Variants in JAK2 observed in about 807,000 individuals in gnomAD.
The protein encoded by JAK2 is Janus kinase 2.
In JAK2, 86 loss-of-function variants were observed where a neutral mutation model predicts 139.3. The observed-to-expected ratio is 0.62, with a 90% CI of 0.52 to 0.74. The LOEUF (loss-of-function observed/expected upper bound fraction) is 0.74, where lower values mean the gene tolerates loss of function less well. Among genes scored for constraint, JAK2 ranks in the 30% least tolerant of loss-of-function variants. The pLI, the probability that JAK2 is intolerant of heterozygous loss-of-function variation, is 0.00. For synonymous variants in JAK2, 490 were observed against 437.7 expected (o/e 1.12, Z -1.49); for missense variants, 1,421 against 1,360.3 (o/e 1.04, Z -0.70).
In JAK2 at chr9:5,044,608, T is replaced by C. The variant is rs186309725; in HGVS notation, c.468+88T>C. The C allele has an allele frequency of 4.2e-4, 336 of 791,902 alleles. 1 individual carries two copies. In the African/African-American group the frequency reaches 4.8e-3, roughly 11 times the overall value. 49.1% of individuals were successfully genotyped at this position (791,902 alleles called of 1,614,324 possible). A position where few individuals can be genotyped will look rare whatever the true frequency, so the allele number is the denominator to read the frequency against. ...TCACTTAATCAGGAAAAACTTTACA[T>C]ATGGGAAAATTGCAGTTCTGTCTTG... On this transcript the variant is annotated intron_variant, in intron 5 of 24. Coordinates refer to ENST00000381652, the MANE Select transcript of JAK2 (RefSeq NM_004972.4).
At chr9:5,111,451 A>G in intron 22 of JAK2, 3 of 392,006 alleles carry the variant, frequency 7.7e-6, no homozygotes, top group African/African-American at 2.1e-5. Flanking sequence ...CTGGTCTTCC[A>G]TCCTCGGCGT....
chr9:5,090,715 G>T, intron 21 of JAK2, 24 bp from the exon 22 acceptor site: 1 of 1,567,504 alleles, frequency 6.4e-7, no homozygotes, highest in South Asian at 1.2e-5. Flanking sequence ...AAAACTAGCT[G>T]AAAGAAAAAT....
At chr9:5,089,625 T>G (rs1820415707) in intron 19 of JAK2, 49 bp from the exon 20 acceptor site, 1 of 896,390 alleles carries the variant, frequency 1.1e-6, no homozygotes, top group Non-Finnish European at 1.6e-6. Flanking sequence ...TTATTTGTAA[T>G]TTGCCTTGAA....
rs569721581 is a variant in JAK2, at chr9:5,086,232, G to C, written c.2572-3442G>C. 2.7e-5 allele frequency: 16 copies of C among 603,118 alleles called. No individual in the cohort carries two copies. The South Asian group carries it at 6.8e-4, about 26-fold the overall frequency. The allele number at this position is 603,118 out of a possible 1,614,324, so 37.4% of individuals were successfully genotyped here. A position where few individuals can be genotyped will look rare whatever the true frequency, so the allele number is the denominator to read the frequency against. On this transcript the variant is annotated intron_variant, in intron 19 of 24. Transcript: ENST00000381652. Reference sequence around the variant, plus strand: ...CAGCGCGAGGCCACGGTCGGAGTCTGAAAGTCGCGGTAGGATGGTGGCTCC... The same window carrying C: ...CAGCGCGAGGCCACGGTCGGAGTCTCAAAGTCGCGGTAGGATGGTGGCTCC...
At position 5,081,695 on chromosome 9, in the gene JAK2, T is replaced by C. The variant is rs375781816; in HGVS notation, c.2435-30T>C. 20 of 1,510,022 alleles carry C rather than the reference T, an allele frequency of 1.3e-5. No homozygotes were observed. In the Admixed American group the frequency reaches 1.5e-4, roughly 11 times the overall value. The allele number at this position is 1,510,022 out of a possible 1,614,324, so 93.5% of individuals were successfully genotyped here. A position where few individuals can be genotyped will look rare whatever the true frequency, so the allele number is the denominator to read the frequency against. ...AGTCCAGAGAATGTTATTTGCTAAT[T>C]TAAGGTGATAATATTCTTTATTTCT... On this transcript the variant is annotated intron_variant, in intron 18 of 24. Coordinates refer to ENST00000381652, the MANE Select transcript of JAK2 (RefSeq NM_004972.4).
chr9:5,030,104 C>G (rs1013063937), intron 4 of JAK2, among the ~76,000 whole-genome samples, 198 bp downstream of exon 4: 4 of 152,114 alleles, frequency 2.6e-5, no homozygotes, highest in African/African-American at 9.7e-5. Context: ...GTAGAATACT[C>G]TGAGAATAAA....
chr9:5,120,937 G>A (rs1013860612), intron 22 of JAK2, among the ~76,000 whole-genome samples: 1 of 152,210 alleles, frequency 6.6e-6, no homozygotes, highest in Admixed American at 6.5e-5. Context: ...TCTTTAATGT[G>A]GAAATGTTCT....
chr9:5,104,483 A>G (rs1292742162), intron 22 of JAK2, among the ~76,000 whole-genome samples: 1 of 152,220 alleles, frequency 6.6e-6, no homozygotes, highest in African/African-American at 2.4e-5. Flanking sequence ...CTAGAGGTAC[A>G]AAGAGGAGCT....
chr9:5,016,016 T>C (rs1194260400), intron 2 of JAK2, among the ~76,000 whole-genome samples: 1 of 152,216 alleles, frequency 6.6e-6, no homozygotes, highest in Non-Finnish European at 1.5e-5. Flanking sequence ...TGTACAGAAG[T>C]AGGCATTGGA....
At chr9:5,097,902 C>G (rs1046065009) in intron 22 of JAK2, 1 of 152,162 alleles carries the variant, frequency 6.6e-6, no homozygotes. Flanking sequence ...ATTCACTTCA[C>G]CATTATATTC....
At position 5,091,751 on chromosome 9, in the gene JAK2, T is replaced by C. The variant is rs571800283; in HGVS notation, c.3059+840T>C. ...GTGAAGCTAGATTTTGGCTTATGAA[T>C]AGGCTTAAGTCGGGGGGCTGAATGG... On this transcript the variant is annotated intron_variant, in intron 22 of 24. Coordinates refer to ENST00000381652, the MANE Select transcript of JAK2 (RefSeq NM_004972.4). 1.2e-4 allele frequency: 18 copies of C among 152,286 alleles called. 1 individual carries two copies. Among genetic ancestry groups the C allele is most frequent in the African/African-American group, 4.1e-4 (17 of 41,554 alleles). The allele number at this position is 152,286 out of a possible 1,614,324, so 9.4% of individuals were successfully genotyped here. A position where few individuals can be genotyped will look rare whatever the true frequency, so the allele number is the denominator to read the frequency against.
rs1439586775 is a variant in JAK2 at position 5,041,255 on chromosome 9, A to G, written c.351-3148A>G. On this transcript the variant is annotated intron_variant, in intron 4 of 24. Coordinates refer to ENST00000381652, the MANE Select transcript of JAK2 (RefSeq NM_004972.4). ...GACCAAGCGGCAGCACGCCATCCAC[A>G]TCATCGACCTCGGGCTGGCCAAGGG... The G allele has an allele frequency of 3.5e-6, 5 of 1,423,180 alleles. No individual in the cohort carries two copies. In the Admixed American group the frequency reaches 8.6e-5, roughly 25 times the overall value. The allele number at this position is 1,423,180 out of a possible 1,614,324, so 88.2% of individuals were successfully genotyped here.
intron 18 of JAK2, among the ~76,000 whole-genome samples, chr9:5,081,298 T>C (rs1300507324): frequency 1.3e-5 from 2 of 152,090 alleles, no homozygotes; most frequent in Admixed American, 6.5e-5. Context: ...AAAACAATTC[T>C]CTTTAACATT....
chr9:5,113,464 G>C (rs1822837282), intron 22 of JAK2: 1 of 148,850 alleles, frequency 6.7e-6, no homozygotes, highest in African/African-American at 2.5e-5. Flanking sequence ...GACTGACCTT[G>C]GCCAGGCTGG....
intron 10 of JAK2, among the ~76,000 whole-genome samples, 155 bp downstream of exon 10, chr9:5,066,944 A>G (rs1346802428): frequency 2.0e-5 from 3 of 152,112 alleles, no homozygotes; most frequent in African/African-American, 7.2e-5. Context: ...ATTCTGTACA[A>G]ATAAACAAGT....
chr9:5,109,956 A>G (rs1320622274), intron 22 of JAK2: 1 of 152,200 alleles, frequency 6.6e-6, no homozygotes, highest in Non-Finnish European at 1.5e-5. Flanking sequence ...AGCAGATGCT[A>G]ATACAGCAGC....
chr9:5,102,683 A>G (rs951086843), intron 22 of JAK2, among the ~76,000 whole-genome samples: 2 of 152,242 alleles, frequency 1.3e-5, no homozygotes, highest in African/African-American at 4.8e-5. Flanking sequence ...CATCAGACTA[A>G]CAGCGGATCT....
At chr9:5,049,829 C>G (rs988980321) in intron 5 of JAK2, among the ~76,000 whole-genome samples, 6 of 152,132 alleles carry the variant, frequency 3.9e-5, no homozygotes, top group Non-Finnish European at 5.9e-5. Flanking sequence ...CCTATTATTG[C>G]TCTAGGCTAC....
intron 6 of JAK2, among the ~76,000 whole-genome samples, chr9:5,052,484 T>C (rs1392809227): frequency 6.6e-6 from 1 of 152,048 alleles, no homozygotes; most frequent in Admixed American, 6.6e-5. Flanking sequence ...TTTAAAAGAG[T>C]TTATTGAGAT....
Sources: allele counts gnomAD v4.1 joint callset (sites outside exome capture counted in the v4.1 genomes callset), GRCh38; gene constraint gnomAD v4.1.1; transcripts MANE v1.5; gene names NCBI Gene and HGNC (gene_info 2026-07-23, HGNC 2026-07-21).